The following USP34 variants were observed in gnomAD, a reference collection of about 807,000 sequenced individuals.
USP34 encodes ubiquitin carboxyl-terminal hydrolase 34.
USP34 carries 70 observed loss-of-function variants against 460.3 expected under a neutral mutation model. That is an observed-to-expected ratio of 0.15 (90% confidence interval 0.13 to 0.19). USP34 has a LOEUF of 0.19. Ranked by LOEUF, USP34 falls within the 10% of genes least tolerant of loss-of-function variation. USP34 has a pLI of 1.00. For synonymous variants in USP34, 1,647 were observed against 1,405.3 expected, an observed-to-expected ratio of 1.17 and a Z score of -3.85; for missense variants, 3,985 against 4,236.2, an observed-to-expected ratio of 0.94 and a Z score of 1.65.
intron 1 of USP34, among the ~76,000 whole-genome samples, chr2:61,428,836 T>C (rs1434407522): frequency 6.6e-6 from 1 of 152,080 alleles, no homozygotes; most frequent in Non-Finnish European, 1.5e-5. Context: ...GAGAAAAGAA[T>C]TATGTATTGA....
chr2:61,341,069 C>G lies in USP34; in HGVS notation c.2501-1388G>C, dbSNP rs1265466015. 2.0e-5 allele frequency among the ~76,000 whole-genome samples: 3 copies of G among 152,106 alleles called. No homozygotes were observed. The East Asian group carries it at 5.8e-4, about 29-fold the overall frequency. On this transcript the variant is annotated intron_variant, in intron 16 of 79. Transcript: ENST00000398571. The stretch of plus-strand genomic sequence containing the variant: ...CAAATTACTTTTGACTGTTCTAGAA[C>G]TGCACATAAGTAATACACAGTATGT...
intron 18 of USP34, among the ~76,000 whole-genome samples, chr2:61,336,146 AT>A (rs5831605): frequency 0.34 from 48,691 of 145,058 alleles, 7,943 homozygotes; most frequent in South Asian, 0.42. Context: ...TGTCCGCACA[AT>A]TTTTTTTTTT....
intron 41 of USP34, among the ~76,000 whole-genome samples, chr2:61,271,818 A>G (rs1156975992): frequency 6.6e-6 from 1 of 152,232 alleles, no homozygotes; most frequent in Non-Finnish European, 1.5e-5. Flanking sequence ...AAAATTTACC[A>G]AATTCTGCAT....
At chr2:61,349,118 T>TAGA in intron 13 of USP34, 132 bp downstream of exon 13, 1 of 1,168,342 alleles carries the variant, frequency 8.6e-7, no homozygotes, top group Non-Finnish European at 1.2e-6. Flanking sequence ...ACGAATATGT[T>TAGA]AAAGGTTTAC....
intron 1 of USP34, among the ~76,000 whole-genome samples, chr2:61,446,357 T>C (rs1405609559): frequency 6.6e-6 from 1 of 152,152 alleles, no homozygotes; most frequent in Non-Finnish European, 1.5e-5. Flanking sequence ...CCTGAAATGA[T>C]CTAAAGTTGA....
At chr2:61,463,034 G>A (rs962242458) in intron 1 of USP34, among the ~76,000 whole-genome samples, 1 of 151,734 alleles carries the variant, frequency 6.6e-6, no homozygotes, top group African/African-American at 2.4e-5. Flanking sequence ...CATCTCCAAA[G>A]GGGGGAAAAA....
At chr2:61,446,097 G>C (rs1335077774) in intron 1 of USP34, among the ~76,000 whole-genome samples, 2 of 94,596 alleles carry the variant, frequency 2.1e-5, no homozygotes, top group Non-Finnish European at 4.2e-5. Flanking sequence ...CTGGGTGACA[G>C]AGTCAGACTC....
At chr2:61,311,129 T>C (rs563216633) in intron 27 of USP34, among the ~76,000 whole-genome samples, 25 of 152,292 alleles carry the variant, frequency 1.6e-4, no homozygotes, top group Non-Finnish European at 2.8e-4. Flanking sequence ...CTCTGAAAAT[T>C]CATGTTGAAC....
intron 16 of USP34, among the ~76,000 whole-genome samples, chr2:61,341,636 T>G (rs1282278951): frequency 7.2e-5 from 11 of 152,030 alleles, no homozygotes; most frequent in Admixed American, 7.2e-4. Context: ...ACCATGATTG[T>G]AAGCTTCCTG....
At chr2:61,381,679 A>G (rs1189191648) in intron 6 of USP34, among the ~76,000 whole-genome samples, 1 of 152,144 alleles carries the variant, frequency 6.6e-6, no homozygotes, top group African/African-American at 2.4e-5. Context: ...ATGTTTTCTT[A>G]CACAGCAAAA....
chr2:61,455,063 G>A (rs1247744722), intron 1 of USP34, among the ~76,000 whole-genome samples: 2 of 151,398 alleles, frequency 1.3e-5, no homozygotes, highest in Non-Finnish European at 2.9e-5. Flanking sequence ...TGTATTTTTA[G>A]TAGGGACAGG....
rs570657941 is a variant in USP34 at position 61,263,542 on chromosome 2, C to T, written c.5778+1855G>A. Among the ~76,000 whole-genome samples the T allele has an allele frequency of 1.1e-4, 16 of 150,238 alleles. No individual in the cohort carries two copies. In the South Asian group the frequency reaches 3.2e-3, roughly 30 times the overall value. On this transcript the variant is annotated intron_variant, in intron 43 of 79. Transcript: ENST00000398571. ...TGTCGCCTAGGCTGCAGTGCATTGG[C>T]GCCATCTTGGCTCACTGCAACCTCC... is the stretch of plus-strand genomic sequence containing the variant.
intron 32 of USP34, among the ~76,000 whole-genome samples, chr2:61,294,536 A>G (rs1455422569): frequency 1.3e-5 from 2 of 151,060 alleles, no homozygotes; most frequent in Admixed American, 1.3e-4. Context: ...CTCCTGCCTC[A>G]GCCACCTGGG....
chr2:61,331,283 G>T lies in USP34; in HGVS notation c.2923C>A (p.His975Asn). The change falls in exon 20 of 80, where the codon CAT becomes AAT. Residue 975 changes from histidine (H) to asparagine (N), a missense_variant. Coordinates refer to ENST00000398571, the MANE Select transcript of USP34 (RefSeq NM_014709.4). ...IQTVREGRQK[H>N]ALYSHSAEVQ... is the part of the protein sequence containing the mutation. Reference sequence around the variant, plus strand: ...CAGTTGAGAGGTACTTACAGTGCATGTTTTTGTCTTCCTTCTCTCACAGTT... The same window carrying T: ...CAGTTGAGAGGTACTTACAGTGCATTTTTTTGTCTTCCTTCTCTCACAGTT... 1.2e-6 allele frequency: 2 copies of T among 1,611,568 alleles called. No homozygotes were observed. Among genetic ancestry groups the T allele is most frequent in the Non-Finnish European group, 1.7e-6 (2 of 1,178,602 alleles).
chr2:61,296,687 A>G (rs1431974271), intron 30 of USP34, 113 bp downstream of exon 30: 1 of 1,164,484 alleles, frequency 8.6e-7, no homozygotes, highest in Non-Finnish European at 1.2e-6. Flanking sequence ...TATATGGGTA[A>G]AAACTATATT....
intron 67 of USP34, 128 bp from the exon 68 acceptor site, chr2:61,214,822 T>C (rs1022328258): frequency 9.3e-7 from 1 of 1,073,798 alleles, no homozygotes; most frequent in Non-Finnish European, 1.3e-6. Context: ...TGAACATCTC[T>C]TTTAGTATCT....
intron 67 of USP34, among the ~76,000 whole-genome samples, chr2:61,218,753 G>A (rs1195824996): frequency 6.6e-6 from 1 of 152,140 alleles, no homozygotes; most frequent in African/African-American, 2.4e-5. Context: ...TTTGTCTGAT[G>A]TGTGTCATGG....
At chr2:61,362,847 T>C (rs1466243391) in intron 10 of USP34, among the ~76,000 whole-genome samples, 1 of 152,250 alleles carries the variant, frequency 6.6e-6, no homozygotes, top group Non-Finnish European at 1.5e-5. Flanking sequence ...AAACATCAAG[T>C]TGTACACCTT....
At chr2:61,346,955 C>T (rs1212228102) in intron 15 of USP34, among the ~76,000 whole-genome samples, 3 of 150,686 alleles carry the variant, frequency 2.0e-5, no homozygotes, top group South Asian at 4.2e-4. Context: ...CTGGTCAACA[C>T]GGTGAAACCC....
Sources: gnomAD v4.1 joint callset for allele counts (sites outside exome capture counted in the v4.1 genomes callset) on GRCh38, gnomAD v4.1.1 for gene constraint, MANE v1.5 for transcripts, NCBI Gene and HGNC (gene_info 2026-07-23, HGNC 2026-07-21) for gene names.